KANSL1: variants seen among roughly 807,000 people sequenced by gnomAD.
KANSL1 encodes MLL1/MLL complex subunit KANSL1.
In KANSL1, 22 loss-of-function variants were observed where a neutral mutation model predicts 103.6. The ratio of observed to expected loss-of-function variants is 0.21; its 90% CI spans 0.15 to 0.30. The LOEUF is 0.30. Among genes scored for constraint, KANSL1 ranks in the 10% least tolerant of loss-of-function variants. KANSL1 has a pLI of 1.00. For synonymous variants in KANSL1, 600 were observed against 527.6 expected (o/e 1.14, Z -1.88); for missense variants, 1,337 against 1,399.8 (o/e 0.96, Z 0.72).
intron 1 of KANSL1, among the ~76,000 whole-genome samples, chr17:46,186,946 G>C (rs1032531418): frequency 2.0e-5 from 3 of 152,080 alleles, no homozygotes; most frequent in Admixed American, 6.5e-5. Context: ...TGTTAAGCCA[G>C]GCTGGTCTCA....
At chr17:46,100,353 C>T (rs1464923511) in intron 2 of KANSL1, among the ~76,000 whole-genome samples, 1 of 150,878 alleles carries the variant, frequency 6.6e-6, no homozygotes, top group Admixed American at 6.6e-5. Context: ...AGGAGAATTG[C>T]TTGAATCCAG....
In KANSL1 at chr17:46,206,662, C is replaced by T. The variant is rs1428390480; in HGVS notation, c.-90+17009G>A. 2.6e-5 allele frequency among the ~76,000 whole-genome samples: 4 copies of T among 152,208 alleles called. No homozygotes were observed. The South Asian group carries it at 8.3e-4, about 32-fold the overall frequency. ...GGACCACTATATCTCACACCATACACAAAAATTAATTCTAATTAAATTTAA... is the reference window on the plus strand; with the variant it reads ...GGACCACTATATCTCACACCATACATAAAAATTAATTCTAATTAAATTTAA... On this transcript the variant is annotated intron_variant, in intron 1 of 14. Transcript: ENST00000572904.
Position 46,041,878 on chromosome 17 carries a change from TTGTGTGTGTGTGTGTG to T in KANSL1, c.2021-2010_2021-1995del, listed in dbSNP as rs146582763. ...CTTCTAGAACTATTAGAAATTTATTTTGTGTGTGTGTGTGTGTGTGTGTGTGTGTGTGTATATTTTT... is the reference window on the plus strand; with the variant it reads ...CTTCTAGAACTATTAGAAATTTATTTTGTGTGTGTGTGTGTGTATATTTTT... On this transcript the variant is annotated intron_variant, in intron 7 of 14. Coordinates refer to ENST00000432791, the MANE Select transcript of KANSL1 (RefSeq NM_015443.4). 9.0e-5 allele frequency: 11 copies of T among 122,716 alleles called. No homozygotes were observed. The East Asian group carries it at 1.4e-3, about 16-fold the overall frequency. The allele number at this position is 122,716 out of a possible 1,614,324, so 7.6% of individuals were successfully genotyped here.
chr17:46,132,476 A>G (rs977123123), intron 2 of KANSL1, among the ~76,000 whole-genome samples: 13 of 152,214 alleles, frequency 8.5e-5, no homozygotes, highest in Admixed American at 5.9e-4. Flanking sequence ...AGTTACCATC[A>G]GCATCATTTG....
At chr17:46,134,030 G>C (rs912432842) in intron 2 of KANSL1, among the ~76,000 whole-genome samples, 2 of 152,216 alleles carry the variant, frequency 1.3e-5, no homozygotes, top group Non-Finnish European at 2.9e-5. Flanking sequence ...ACACTGTCAT[G>C]AGGAAGGATG....
At chr17:46,095,970 G>C (rs376956639) in intron 2 of KANSL1, among the ~76,000 whole-genome samples, 3 of 152,098 alleles carry the variant, frequency 2.0e-5, no homozygotes, top group East Asian at 1.9e-4. Context: ...TTGAAATCTG[G>C]ATGGGAAAAC....
intron 4 of KANSL1, among the ~76,000 whole-genome samples, chr17:46,076,568 T>C (rs1229008615): frequency 1.3e-5 from 2 of 151,032 alleles, no homozygotes; most frequent in East Asian, 3.9e-4. Flanking sequence ...TGAAAATCAA[T>C]GTTCAATTGT....
At chr17:46,130,242 G>A (rs1040004032) in intron 2 of KANSL1, among the ~76,000 whole-genome samples, 9 of 148,504 alleles carry the variant, frequency 6.1e-5, no homozygotes, top group Middle Eastern at 3.7e-3. Flanking sequence ...AAACATGAAT[G>A]CTGGAGACCC....
chr17:46,061,178 T>C (rs1439686145), intron 6 of KANSL1, among the ~76,000 whole-genome samples: 2 of 152,146 alleles, frequency 1.3e-5, no homozygotes, highest in Non-Finnish European at 2.9e-5. Context: ...TTTCTAATGG[T>C]CCACAGTAAA....
Position 46,170,782 on chromosome 17 carries a change from A to G in KANSL1, c.1289+73T>C, listed in dbSNP as rs1222039424. The G allele has an allele frequency of 4.9e-6, 7 of 1,439,680 alleles. No homozygotes were observed. The South Asian group carries it at 5.2e-5, about 11-fold the overall frequency. The allele number at this position is 1,439,680 out of a possible 1,614,324, so 89.2% of individuals were successfully genotyped here. ...ATGTACAAAGAATCACATTCTCTCC[A>G]TAATGGCGATTCATTCATTCTTCCT... On this transcript the variant is annotated intron_variant, in intron 2 of 14. Coordinates refer to ENST00000432791, the MANE Select transcript of KANSL1 (RefSeq NM_015443.4).
intron 2 of KANSL1, among the ~76,000 whole-genome samples, chr17:46,132,537 T>C (rs921460952): frequency 6.6e-6 from 1 of 152,218 alleles, no homozygotes; most frequent in Non-Finnish European, 1.5e-5. Context: ...ACCCACTGAA[T>C]CATAAATTAT....
At chr17:46,177,938 C>T (rs2046604685) in intron 1 of KANSL1, among the ~76,000 whole-genome samples, 1 of 152,200 alleles carries the variant, frequency 6.6e-6, no homozygotes, top group Non-Finnish European at 1.5e-5. Context: ...CCACCACGCC[C>T]AGCTAGTTTT....
intron 1 of KANSL1, among the ~76,000 whole-genome samples, chr17:46,187,363 C>A (rs1323168304): frequency 6.6e-6 from 1 of 152,194 alleles, no homozygotes; most frequent in Admixed American, 6.5e-5. Flanking sequence ...GTCACTCAAG[C>A]AACTTTTTCC....
intron 1 of KANSL1, among the ~76,000 whole-genome samples, chr17:46,200,007 C>T (rs573824196): frequency 6.0e-5 from 9 of 150,964 alleles, no homozygotes; most frequent in Non-Finnish European, 1.2e-4. Flanking sequence ...GGATTTTATA[C>T]GAACATTTTA....
At chr17:46,094,852 G>A (rs371512240) in intron 2 of KANSL1, 151 bp from the exon 3 acceptor site, 11 of 873,502 alleles carry the variant, frequency 1.3e-5, no homozygotes, top group South Asian at 2.9e-5. Flanking sequence ...GACACCTCCC[G>A]CTCATCAGGA....
At chr17:46,184,195 G>A (rs2046916702) in intron 1 of KANSL1, among the ~76,000 whole-genome samples, 1 of 152,198 alleles carries the variant, frequency 6.6e-6, no homozygotes, top group Non-Finnish European at 1.5e-5. Flanking sequence ...TCACCTGAAG[G>A]GGTCAAGGAA....
intron 2 of KANSL1, among the ~76,000 whole-genome samples, chr17:46,136,276 T>G (rs1282681184): frequency 6.6e-6 from 1 of 152,238 alleles, no homozygotes; most frequent in Non-Finnish European, 1.5e-5. Flanking sequence ...GGTATATAGG[T>G]TGATGTACCT....
intron 2 of KANSL1, among the ~76,000 whole-genome samples, chr17:46,164,507 T>A (rs1477507132): frequency 6.6e-6 from 1 of 152,266 alleles, no homozygotes; most frequent in African/African-American, 2.4e-5. Flanking sequence ...GTAAATTCTG[T>A]AAGAATACAA....
intron 7 of KANSL1, chr17:46,042,934 C>T (rs764193267): frequency 2.0e-5 from 3 of 152,192 alleles, no homozygotes; most frequent in Non-Finnish European, 4.4e-5. Context: ...CATTTGCTAC[C>T]TGTCCAAGTG....
Sources: allele counts gnomAD v4.1 joint callset (sites outside exome capture counted in the v4.1 genomes callset), GRCh38; gene constraint gnomAD v4.1.1; transcripts MANE v1.5; gene names NCBI Gene and HGNC (gene_info 2026-07-23, HGNC 2026-07-21).